KCNG3: variants seen among roughly 807,000 people sequenced by gnomAD.
KCNG3 encodes the protein voltage-gated potassium channel regulatory subunit KCNG3.
A neutral mutation model predicts 29.0 loss-of-function variants in KCNG3; 15 were observed. That is an observed-to-expected ratio of 0.52 (90% CI 0.35 to 0.80). KCNG3 has a LOEUF of 0.80. Ranked by LOEUF, KCNG3 falls within the 30% of genes least tolerant of loss-of-function variation. The pLI, the probability that KCNG3 is intolerant of heterozygous loss-of-function variation, is 0.01. For synonymous variants in KCNG3, 322 were observed against 248.9 expected (o/e 1.29, Z -2.76); for missense variants, 512 against 605.7 (o/e 0.85, Z 1.62).
downstream of KCNG3, among the ~76,000 whole-genome samples, chr2:42,439,482 C>T (rs919032920): frequency 1.3e-5 from 2 of 151,502 alleles, no homozygotes; most frequent in Non-Finnish European, 2.9e-5. Flanking sequence ...AGGCTGGTTT[C>T]GAACTCCTGA....
chr2:42,486,300 C>T (rs1368863908), intron 1 of KCNG3, among the ~76,000 whole-genome samples: 1 of 152,222 alleles, frequency 6.6e-6, no homozygotes, highest in Non-Finnish European at 1.5e-5. Context: ...CATAATTCAC[C>T]TGAATCCAGT....
At chr2:42,487,598 T>C (rs939896724) in intron 1 of KCNG3, among the ~76,000 whole-genome samples, 10 of 152,194 alleles carry the variant, frequency 6.6e-5, no homozygotes, top group African/African-American at 1.2e-4. Context: ...CTTTTCAGCA[T>C]AGTAAAGATC....
chr2:42,483,235 T>TA (rs1431709206), intron 1 of KCNG3, among the ~76,000 whole-genome samples: 1 of 152,262 alleles, frequency 6.6e-6, no homozygotes, highest in East Asian at 1.9e-4. Context: ...TATTCATTAC[T>TA]AACTGCATAT....
At chr2:42,466,132 A>G (rs7562909) in intron 1 of KCNG3, among the ~76,000 whole-genome samples, 152,320 of 152,330 alleles carry the variant, frequency 1, 76,155 homozygotes, top group East Asian at 1. Flanking sequence ...TAGGCTAGGC[A>G]CAATGGCTCA....
intron 1 of KCNG3, among the ~76,000 whole-genome samples, chr2:42,468,127 A>G (rs1403414009): frequency 6.6e-6 from 1 of 152,208 alleles, no homozygotes; most frequent in Non-Finnish European, 1.5e-5. Context: ...AAATAAAAAT[A>G]AAAAGACAAG....
At chr2:42,418,323 ATT>A in the KCNG3 span, among the ~76,000 whole-genome samples, 1 of 152,146 alleles carries the variant, frequency 6.6e-6, no homozygotes, top group East Asian at 1.9e-4. Flanking sequence ...TATAGACCAC[ATT>A]TTGTTTATCC....
the KCNG3 span, among the ~76,000 whole-genome samples, chr2:42,410,653 G>C: frequency 9.7e-3 from 1,470 of 152,102 alleles, 11 homozygotes; most frequent in East Asian, 0.035. Context: ...TTTGGTTGTT[G>C]ATTCTTGTTT....
At chr2:42,453,833 T>C (rs1206790844) in intron 1 of KCNG3, among the ~76,000 whole-genome samples, 3 of 152,184 alleles carry the variant, frequency 2.0e-5, no homozygotes, top group Admixed American at 2.0e-4. Context: ...AGTAGTTTCA[T>C]AGTTTGAGGT....
chr2:42,449,514 C>CTTTTTTTTT, intron 1 of KCNG3, among the ~76,000 whole-genome samples: 1 of 99,462 alleles, frequency 1.0e-5, no homozygotes, highest in Non-Finnish European at 2.0e-5. Context: ...ACTGAGATTT[C>CTTTTTTTTT]TTTTTTTTTT....
Position 42,444,625 on chromosome 2 carries a change from T to C in KCNG3, c.666-46A>G, listed in dbSNP as rs1415792054. On this transcript the variant is annotated intron_variant, in intron 1 of 1. Coordinates refer to ENST00000306078, the MANE Select transcript of KCNG3 (RefSeq NM_133329.6). This position sits in a 1 kb window ranked among gnomAD's most constrained non-coding sequence, Gnocchi z 5.8. ...GAATTGATCATTTTATTTTTAAGCA[T>C]TTTAATAGCTCTTAGATTTCTTCAG... The C allele has an allele frequency of 6.6e-7, 1 of 1,509,224 alleles. No homozygotes were observed. The highest frequency in any genetic ancestry group is 1.3e-5 in the South Asian group (1 of 78,616). 93.5% of individuals were successfully genotyped at this position (1,509,224 alleles called of 1,614,324 possible).
Position 42,466,001 on chromosome 2 carries a change from T to C in KCNG3, c.666-21422A>G, listed in dbSNP as rs533920021. On this transcript the variant is annotated intron_variant, in intron 1 of 1. Coordinates refer to ENST00000306078, the MANE Select transcript of KCNG3 (RefSeq NM_133329.6). The stretch of plus-strand genomic sequence containing the variant: ...AAGTAACTGAAACCGTATACAGTCA[T>C]ACACCACATAATGACATTTCTGTCA... 3.3e-5 allele frequency among the ~76,000 whole-genome samples: 5 copies of C among 152,336 alleles called. No individual in the cohort carries two copies. The South Asian group carries it at 1.0e-3, about 32-fold the overall frequency.
the KCNG3 span, among the ~76,000 whole-genome samples, chr2:42,410,168 C>T: frequency 6.6e-6 from 1 of 152,072 alleles, no homozygotes; most frequent in African/African-American, 2.4e-5. Context: ...ACCTAGTATT[C>T]CATTGTTGGA....
chr2:42,480,367 C>A (rs141300941), intron 1 of KCNG3, among the ~76,000 whole-genome samples: 6 of 152,264 alleles, frequency 3.9e-5, no homozygotes, highest in African/African-American at 1.4e-4. Flanking sequence ...TAGCTAGACA[C>A]TGGTAAAGTG....
At chr2:42,441,134 G>A (rs1187251445), downstream of KCNG3, among the ~76,000 whole-genome samples, 1 of 152,158 alleles carries the variant, frequency 6.6e-6, no homozygotes, top group East Asian at 1.9e-4. Flanking sequence ...TAATCCCAGA[G>A]CTTTGAGAGG....
intron 1 of KCNG3, among the ~76,000 whole-genome samples, chr2:42,468,766 A>T (rs1251840224): frequency 1.3e-5 from 2 of 151,898 alleles, no homozygotes; most frequent in East Asian, 3.9e-4. Context: ...CAACCTGGCC[A>T]AGATGGTGAA....
At chr2:42,434,296 A>T in the KCNG3 span, among the ~76,000 whole-genome samples, 43 of 151,414 alleles carry the variant, frequency 2.8e-4, no homozygotes, top group Non-Finnish European at 4.1e-4. Context: ...TACAAAGAAA[A>T]TTTTTTTTAA....
the KCNG3 span, among the ~76,000 whole-genome samples, chr2:42,422,144 C>T: frequency 2.6e-5 from 4 of 152,128 alleles, no homozygotes; most frequent in African/African-American, 4.8e-5. Flanking sequence ...CCAATTGCTA[C>T]GGTTTGAATT....
At position 42,489,853 on chromosome 2, in the gene KCNG3, C is replaced by A. The variant is rs1415648182; in HGVS notation, c.665+2984G>T. 2.6e-5 allele frequency among the ~76,000 whole-genome samples: 4 copies of A among 152,200 alleles called. No individual in the cohort carries two copies. The South Asian group carries it at 6.2e-4, about 24-fold the overall frequency. ...ATGCCCTGGATTAATTTTGACTCTTCCTGGTATTTTCCAGAGTTGTCATTT... is the reference window on the plus strand; with the variant it reads ...ATGCCCTGGATTAATTTTGACTCTTACTGGTATTTTCCAGAGTTGTCATTT... On this transcript the variant is annotated intron_variant, in intron 1 of 1. Coordinates refer to ENST00000306078, the MANE Select transcript of KCNG3 (RefSeq NM_133329.6).
At chr2:42,460,143 T>G (rs971047993) in intron 1 of KCNG3, among the ~76,000 whole-genome samples, 2 of 152,100 alleles carry the variant, frequency 1.3e-5, no homozygotes, top group Admixed American at 6.5e-5. Flanking sequence ...GTGGGAGGAC[T>G]TCTTGAAGCC....
Sources: gnomAD v4.1 joint callset for allele counts (sites outside exome capture counted in the v4.1 genomes callset) on GRCh38, gnomAD v4.1.1 for gene constraint, Gnocchi (gnomAD v3.1) non-coding constraint, MANE v1.5 for transcripts, NCBI Gene and HGNC (gene_info 2026-07-23, HGNC 2026-07-21) for gene names.